SYNDIG1: variants seen among roughly 807,000 people sequenced by gnomAD.
SYNDIG1 encodes synapse differentiation inducing 1.
In SYNDIG1, 9 loss-of-function variants were observed where a neutral mutation model predicts 19.4. The ratio of observed to expected loss-of-function variants is 0.46; its 90% confidence interval spans 0.28 to 0.81. The LOEUF is 0.81. SYNDIG1 is among the 30% of genes least tolerant of loss of function. The probability of loss-of-function intolerance (pLI) is 0.12; values close to 1 mark genes in which losing one functional copy is unlikely to be tolerated. For missense variants in SYNDIG1, 311 were observed against 343.3 expected (o/e 0.91, Z 0.74); for synonymous variants, 141 against 145.9 (o/e 0.97, Z 0.24).
intron 1 of SYNDIG1, 150 bp from the exon 2 acceptor site, chr20:24,542,870 C>T: frequency 3.3e-6 from 2 of 597,774 alleles, no homozygotes; most frequent in Non-Finnish European, 5.6e-6. Flanking sequence ...TTAACATTCA[C>T]TGAATAGGTA....
At chr20:24,488,537 C>T (rs966882194) in intron 1 of SYNDIG1, among the ~76,000 whole-genome samples, 5 of 152,250 alleles carry the variant, frequency 3.3e-5, no homozygotes, top group African/African-American at 1.2e-4. Context: ...AGCCCTTCTG[C>T]AGGCTCCAGG....
At chr20:24,629,562 G>A (rs1043282285) in intron 3 of SYNDIG1, among the ~76,000 whole-genome samples, 2 of 151,930 alleles carry the variant, frequency 1.3e-5, no homozygotes, top group Non-Finnish European at 2.9e-5. Context: ...AGCCACCTAG[G>A]CCCACGCAGC....
At chr20:24,478,552 T>C (rs1273903597) in intron 1 of SYNDIG1, among the ~76,000 whole-genome samples, 3 of 152,246 alleles carry the variant, frequency 2.0e-5, no homozygotes, top group Non-Finnish European at 2.9e-5. Context: ...TGTACTTAGT[T>C]TTCTTGGCAT....
chr20:24,578,722 A>G (rs1386972135), intron 2 of SYNDIG1, among the ~76,000 whole-genome samples: 1 of 152,194 alleles, frequency 6.6e-6, no homozygotes, highest in Non-Finnish European at 1.5e-5. Context: ...GCACACACGC[A>G]TGTGGGAGGA....
chr20:24,586,602 C>T (rs947992360), intron 3 of SYNDIG1, among the ~76,000 whole-genome samples: 7 of 152,182 alleles, frequency 4.6e-5, no homozygotes, highest in Non-Finnish European at 7.3e-5. Context: ...AGATTGGGCC[C>T]GGGAGCTGGA....
chr20:24,652,915 G>T (rs761928369), intron 3 of SYNDIG1, among the ~76,000 whole-genome samples: 1 of 152,078 alleles, frequency 6.6e-6, no homozygotes, highest in Non-Finnish European at 1.5e-5. Flanking sequence ...TCATTAACCC[G>T]CCCTGCAACA....
intron 3 of SYNDIG1, among the ~76,000 whole-genome samples, chr20:24,630,905 G>A (rs2059231531): frequency 6.6e-6 from 1 of 152,238 alleles, no homozygotes; most frequent in Non-Finnish European, 1.5e-5. Context: ...TGCCTTAGGA[G>A]CAATAAAGAA....
chr20:24,577,045 G>A (rs74926081), intron 2 of SYNDIG1, among the ~76,000 whole-genome samples: 5,280 of 152,194 alleles, frequency 0.035, 194 homozygotes, highest in African/African-American at 0.096. Flanking sequence ...TACCTAGGAG[G>A]AAAAACTAAA....
intron 1 of SYNDIG1, among the ~76,000 whole-genome samples, chr20:24,539,874 G>A (rs958271901): frequency 6.6e-6 from 1 of 152,142 alleles, no homozygotes; most frequent in Non-Finnish European, 1.5e-5. Context: ...TGCCTCCTGT[G>A]TTCAAGAAAT....
chr20:24,540,911 T>A (rs2057456127), intron 1 of SYNDIG1, among the ~76,000 whole-genome samples: 1 of 152,218 alleles, frequency 6.6e-6, no homozygotes. Context: ...CCTCATGGAA[T>A]GACTTAGGAA....
At chr20:24,661,340 A>AGTT (rs1600842883) in intron 3 of SYNDIG1, among the ~76,000 whole-genome samples, 91 of 101,250 alleles carry the variant, frequency 9.0e-4, no homozygotes, top group Middle Eastern at 6.7e-3. Context: ...GAGGGGGAGG[A>AGTT]AGGAGGGAGA....
chr20:24,514,420 A>T (rs1020370582), intron 1 of SYNDIG1, among the ~76,000 whole-genome samples: 1 of 152,196 alleles, frequency 6.6e-6, no homozygotes, highest in African/African-American at 2.4e-5. Context: ...AAGTAAAGGG[A>T]TGAAGGAAGA....
At chr20:24,472,449 T>C (rs2055495722) in intron 1 of SYNDIG1, among the ~76,000 whole-genome samples, 2 of 152,364 alleles carry the variant, frequency 1.3e-5, no homozygotes, top group South Asian at 2.1e-4. Flanking sequence ...ACTTGAGTTA[T>C]TTTTCTCATT....
chr20:24,636,630 A>G (rs1320195995), intron 3 of SYNDIG1, among the ~76,000 whole-genome samples: 2 of 152,302 alleles, frequency 1.3e-5, no homozygotes, highest in East Asian at 3.9e-4. Flanking sequence ...CGTGGTTGAC[A>G]AGGAAAGGAG....
chr20:24,618,256 G>A (rs116414694), intron 3 of SYNDIG1, among the ~76,000 whole-genome samples: 3 of 149,354 alleles, frequency 2.0e-5, no homozygotes, highest in Non-Finnish European at 4.5e-5. Context: ...AGCCCCGGGA[G>A]GGGGGAGAGT....
At chr20:24,544,066 GA>G (rs2057525666) in intron 2 of SYNDIG1, among the ~76,000 whole-genome samples, 1 of 152,232 alleles carries the variant, frequency 6.6e-6, no homozygotes, top group African/African-American at 2.4e-5. Flanking sequence ...CGTGCTGGAA[GA>G]AAGTGTAGGT....
At chr20:24,490,515 T>G (rs2056115307) in intron 1 of SYNDIG1, among the ~76,000 whole-genome samples, 1 of 152,130 alleles carries the variant, frequency 6.6e-6, no homozygotes, top group African/African-American at 2.4e-5. Flanking sequence ...GTGCCCGGGC[T>G]TGGACCCTGG....
intron 3 of SYNDIG1, among the ~76,000 whole-genome samples, chr20:24,610,895 GTCT>G (rs2058836671): frequency 2.0e-5 from 3 of 152,168 alleles, no homozygotes; most frequent in African/African-American, 7.2e-5. Flanking sequence ...GAAGGGCTGG[GTCT>G]TCTTTGAGGA....
chr20:24,570,045 A>G (rs1318740078), intron 2 of SYNDIG1, among the ~76,000 whole-genome samples: 6 of 152,244 alleles, frequency 3.9e-5, no homozygotes, highest in Admixed American at 3.3e-4. Flanking sequence ...AAATGGTCAT[A>G]TACCAATTTC....
Sources: gnomAD v4.1 joint callset for allele counts (sites outside exome capture counted in the v4.1 genomes callset) on GRCh38, gnomAD v4.1.1 for gene constraint, MANE v1.5 for transcripts, NCBI Gene and HGNC (gene_info 2026-07-23, HGNC 2026-07-21) for gene names.